Variants in NUDT3 observed in about 807,000 individuals in gnomAD.
The protein encoded by NUDT3 is diphosphoinositol polyphosphate phosphohydrolase 1.
NUDT3 carries 9 observed loss-of-function variants against 23.6 expected under a neutral mutation model. That is an observed-to-expected ratio of 0.38 (90% CI 0.23 to 0.66). The LOEUF (loss-of-function observed/expected upper bound fraction) is 0.66, where lower values mean the gene tolerates loss of function less well. Ranked by LOEUF, NUDT3 falls within the 30% of genes least tolerant of loss-of-function variation. The pLI, the probability that NUDT3 is intolerant of heterozygous loss-of-function variation, is 0.52. For synonymous variants in NUDT3, 86 were observed against 82.6 expected, an observed-to-expected ratio of 1.04 and a Z score of -0.22; for missense variants, 172 against 218.5, an observed-to-expected ratio of 0.79 and a Z score of 1.34.
intron 2 of NUDT3, among the ~76,000 whole-genome samples, chr6:34,305,984 C>T (rs75388947): frequency 0.095 from 14,397 of 152,104 alleles, 796 homozygotes; most frequent in Non-Finnish European, 0.12. Context: ...GAAAAAATTA[C>T]GTATTCTTTG....
In NUDT3 at chr6:34,300,776, T is replaced by C. The variant is rs374137609; in HGVS notation, c.211-5091A>G. ...TGAAGCCACTTTTAGTCAGGTGTTC[T>C]GTTATTATTCGTAGCTGAAAGGTTC... On this transcript the variant is annotated intron_variant, in intron 2 of 4. Coordinates refer to ENST00000607016, the MANE Select transcript of NUDT3 (RefSeq NM_006703.4). 2.6e-5 allele frequency among the ~76,000 whole-genome samples: 4 copies of C among 152,228 alleles called. No individual in the cohort carries two copies. In the South Asian group the frequency reaches 8.3e-4, roughly 31 times the overall value.
intron 1 of NUDT3, among the ~76,000 whole-genome samples, chr6:34,378,402 T>A (rs1346998343): frequency 6.6e-6 from 1 of 152,172 alleles, no homozygotes; most frequent in Non-Finnish European, 1.5e-5. Context: ...ATACGTTTCT[T>A]CTGGTGCACT....
At chr6:34,341,071 C>T (rs958342414) in intron 2 of NUDT3, among the ~76,000 whole-genome samples, 6 of 152,134 alleles carry the variant, frequency 3.9e-5, no homozygotes, top group Non-Finnish European at 8.8e-5. Context: ...TTCAAAAGCA[C>T]TACCTATGTG....
chr6:34,290,946 A>G (rs544559283), intron 4 of NUDT3, among the ~76,000 whole-genome samples: 1 of 150,824 alleles, frequency 6.6e-6, no homozygotes, highest in South Asian at 2.1e-4. Context: ...AGGCGCCCAC[A>G]ACCACACCCA....
At chr6:34,319,018 A>G (rs1213387580) in intron 2 of NUDT3, among the ~76,000 whole-genome samples, 1 of 150,566 alleles carries the variant, frequency 6.6e-6, no homozygotes, top group Non-Finnish European at 1.5e-5. Flanking sequence ...GGGCTTTTCT[A>G]GGAAAACAGA....
intron 1 of NUDT3, among the ~76,000 whole-genome samples, chr6:34,343,601 C>A (rs1439384986): frequency 1.3e-5 from 2 of 151,206 alleles, no homozygotes; most frequent in African/African-American, 4.9e-5. Context: ...CAAAATGGAC[C>A]AACAACCTAA....
rs1282499779 is a variant in NUDT3, at chr6:34,392,293, G to A, written c.70C>T (p.Leu24=). The change falls in exon 1 of 5, where the codon CTG becomes TTG. Residue 24 remains leucine, a synonymous_variant. Transcript: ENST00000607016. ...GDGYKKRAAC[L]CFRSESEEEV... ...TCCTCGCTCTCGCTGCGGAAACACA[G>A]GCATGCGGCCCGCTTCTTGTAGCCG... is the stretch of plus-strand genomic sequence containing the variant. The A allele has an allele frequency of 1.9e-6, 3 of 1,605,350 alleles. No homozygotes were observed. The highest frequency in any genetic ancestry group is 1.1e-5 in the South Asian group (1 of 90,568).
intron 2 of NUDT3, among the ~76,000 whole-genome samples, chr6:34,304,960 C>G (rs1237908080): frequency 2.7e-5 from 4 of 148,490 alleles, no homozygotes; most frequent in Non-Finnish European, 5.9e-5. Flanking sequence ...GCATGAGCCA[C>G]TGTGCCCGGT....
At position 34,392,390 on chromosome 6, in the gene NUDT3, C is replaced by T; in HGVS notation, c.-28G>A. On this transcript the variant is annotated 5_prime_UTR_variant, in exon 1 of 5. Coordinates refer to ENST00000607016, the MANE Select transcript of NUDT3 (RefSeq NM_006703.4). ...TCCGGGCCCGGGTGGGGGTGCGGTGCGGGTCGCAGGAGTCGAGGGGTGGGG... is the reference window on the plus strand; with the variant it reads ...TCCGGGCCCGGGTGGGGGTGCGGTGTGGGTCGCAGGAGTCGAGGGGTGGGG... The T allele has an allele frequency of 2.5e-6, 4 of 1,573,714 alleles. No individual in the cohort carries two copies. Among genetic ancestry groups the T allele is most frequent in the South Asian group, 1.1e-5 (1 of 88,332 alleles).
chr6:34,392,419 C>A lies in NUDT3; in HGVS notation c.-57G>T. 3.6e-6 allele frequency: 5 copies of A among 1,381,978 alleles called. No individual in the cohort carries two copies. Among genetic ancestry groups the A allele is most frequent in the Non-Finnish European group, 5.0e-6 (5 of 1,004,806 alleles). 85.6% of individuals were successfully genotyped at this position (1,381,978 alleles called of 1,614,324 possible). On this transcript the variant is annotated 5_prime_UTR_variant, in exon 1 of 5. Transcript: ENST00000607016. ...TCGCAGGAGTCGAGGGGTGGGGAGCCCGCTCTGGACGGCCGCGTGCGCGCG... is the reference window on the plus strand; with the variant it reads ...TCGCAGGAGTCGAGGGGTGGGGAGCACGCTCTGGACGGCCGCGTGCGCGCG...
chr6:34,306,181 T>C (rs75837061), intron 2 of NUDT3, among the ~76,000 whole-genome samples: 14,393 of 152,272 alleles, frequency 0.095, 792 homozygotes, highest in Non-Finnish European at 0.12. Context: ...GAGTTGACTT[T>C]CCCCGTAACT....
In NUDT3 at chr6:34,372,602, C is replaced by T. The variant is rs1237905024; in HGVS notation, c.99+19662G>A. ...GGGAGATCATCTGAGGTCACGAGTT[C>T]GAGACTAGCCTAACCAACATGGAGA... On this transcript the variant is annotated intron_variant, in intron 1 of 4. Transcript: ENST00000607016. 4.0e-5 allele frequency among the ~76,000 whole-genome samples: 6 copies of T among 151,772 alleles called. No homozygotes were observed. In the Middle Eastern group the frequency reaches 0.01, roughly 262 times the overall value.
intron 2 of NUDT3, among the ~76,000 whole-genome samples, chr6:34,298,918 T>G (rs188366491): frequency 6.6e-6 from 1 of 152,208 alleles, no homozygotes; most frequent in African/African-American, 2.4e-5. Context: ...CAGGAAGAGG[T>G]CCCCCCTTTA....
rs1316333986 is a variant in NUDT3 at position 34,351,076 on chromosome 6, G to A, written c.100-9104C>T. On this transcript the variant is annotated intron_variant, in intron 1 of 4. Transcript: ENST00000607016. ...AAAAAGAACACTTTGGTGGCCAGGC[G>A]CGGTGGCTCACCCCTGTAATCCCAG... Among the ~76,000 whole-genome samples the A allele has an allele frequency of 1.3e-4, 20 of 148,226 alleles. 1 individual carries two copies. Among genetic ancestry groups the A allele is most frequent in the African/African-American group, 4.8e-4 (19 of 39,268 alleles).
At chr6:34,347,686 G>C (rs1200274857) in intron 1 of NUDT3, among the ~76,000 whole-genome samples, 1 of 152,074 alleles carries the variant, frequency 6.6e-6, no homozygotes, top group African/African-American at 2.4e-5. Context: ...GGGGTTTTTT[G>C]CTAAATAGTG....
chr6:34,343,284 T>A (rs1450304102), intron 1 of NUDT3, among the ~76,000 whole-genome samples: 1 of 150,994 alleles, frequency 6.6e-6, no homozygotes, highest in Non-Finnish European at 1.5e-5. Flanking sequence ...GTGTGATGGC[T>A]CACACCTGTA....
chr6:34,386,684 T>A, intron 1 of NUDT3, among the ~76,000 whole-genome samples: 2 of 152,306 alleles, frequency 1.3e-5, no homozygotes, highest in Admixed American at 1.3e-4. Flanking sequence ...AGACCACATA[T>A]ACAAGAGTAG....
intron 1 of NUDT3, among the ~76,000 whole-genome samples, chr6:34,368,245 G>C (rs188275972): frequency 1.3e-5 from 2 of 152,184 alleles, no homozygotes; most frequent in Non-Finnish European, 2.9e-5. Flanking sequence ...TTGTTTTCAG[G>C]TGTTTCTTTC....
In NUDT3 at chr6:34,354,394, AACACAC is replaced by A. The variant is rs370168110; in HGVS notation, c.100-12428_100-12423del. Among the ~76,000 whole-genome samples the A allele has an allele frequency of 5.8e-4, 80 of 137,716 alleles. 1 individual carries two copies. The highest frequency in any genetic ancestry group is 3.1e-3 in the South Asian group (13 of 4,140). 90.3% of individuals were successfully genotyped at this position (137,716 alleles called of 152,430 possible). A position where few individuals can be genotyped will look rare whatever the true frequency, so the allele number is the denominator to read the frequency against. On this transcript the variant is annotated intron_variant, in intron 1 of 4. Coordinates refer to ENST00000607016, the MANE Select transcript of NUDT3 (RefSeq NM_006703.4). ...TGGGCAGTATAGTGAGATTTCATTA[AACACAC>A]ACACACACACACACACACACACACA... is the stretch of plus-strand genomic sequence containing the variant.
Sources: allele counts gnomAD v4.1 joint callset (sites outside exome capture counted in the v4.1 genomes callset), GRCh38; gene constraint gnomAD v4.1.1; transcripts MANE v1.5; gene names NCBI Gene and HGNC (gene_info 2026-07-23, HGNC 2026-07-21).